Variants in LEF1 observed in about 807,000 individuals in gnomAD.
LEF1 encodes the protein lymphoid enhancer-binding factor 1.
Under a neutral mutation model 51.2 loss-of-function variants are expected in LEF1, and 14 were observed. The ratio of observed to expected loss-of-function variants is 0.27; its 90% CI spans 0.18 to 0.43. The LOEUF (loss-of-function observed/expected upper bound fraction) is 0.43. LEF1 is among the 20% of genes least tolerant of loss of function. The probability of loss-of-function intolerance (pLI) is 1.00; values close to 1 mark genes in which losing one functional copy is unlikely to be tolerated. For missense variants in LEF1, 386 were observed against 512.0 expected (o/e 0.75, Z 2.37); for synonymous variants, 185 against 183.2 (o/e 1.01, Z -0.08).
At chr4:108,053,213 C>T (rs1023907088) in intron 11 of LEF1, among the ~76,000 whole-genome samples, 5 of 152,098 alleles carry the variant, frequency 3.3e-5, no homozygotes. Flanking sequence ...GAGAAACAAA[C>T]GCATAAGTTA....
intron 3 of LEF1, among the ~76,000 whole-genome samples, chr4:108,134,462 AAATGTAGAAT>A (rs1743119239): frequency 6.6e-6 from 1 of 152,234 alleles, no homozygotes; most frequent in African/African-American, 2.4e-5. Flanking sequence ...TTTAAAGTTC[AAATGTAGAAT>A]AATACAGGGC....
chr4:108,101,284 G>T (rs1740803642), intron 3 of LEF1, among the ~76,000 whole-genome samples: 1 of 152,188 alleles, frequency 6.6e-6, no homozygotes, highest in South Asian at 2.1e-4. Flanking sequence ...AATAATTAAT[G>T]CAGCTTTCGA....
At chr4:108,128,009 A>T (rs534128596) in intron 3 of LEF1, among the ~76,000 whole-genome samples, 2 of 152,262 alleles carry the variant, frequency 1.3e-5, no homozygotes, top group African/African-American at 4.8e-5. Flanking sequence ...TATGTGTTAT[A>T]TTTATTGTGT....
chr4:108,103,875 C>CA (rs1220125412), intron 3 of LEF1, among the ~76,000 whole-genome samples: 2 of 152,132 alleles, frequency 1.3e-5, no homozygotes, highest in Non-Finnish European at 2.9e-5. Context: ...TGCAGTTCCT[C>CA]AAAAAGGTAA....
At chr4:108,121,051 AT>A (rs1369808647) in intron 3 of LEF1, among the ~76,000 whole-genome samples, 1 of 152,224 alleles carries the variant, frequency 6.6e-6, no homozygotes, top group Non-Finnish European at 1.5e-5. Flanking sequence ...ACTTTGCCAC[AT>A]TGTAAAAGTG....
chr4:108,080,034 A>G (rs576538822), intron 6 of LEF1, among the ~76,000 whole-genome samples: 1 of 152,336 alleles, frequency 6.6e-6, no homozygotes, highest in East Asian at 1.9e-4. Flanking sequence ...ACAACTGAGA[A>G]AACGGATAGG....
At chr4:108,070,581 C>T (rs575267979) in intron 9 of LEF1, 82 bp downstream of exon 9, 30 of 881,124 alleles carry the variant, frequency 3.4e-5, no homozygotes, top group Non-Finnish European at 5.4e-5. Context: ...GCATTATATA[C>T]ACCTAAAACA....
intron 3 of LEF1, among the ~76,000 whole-genome samples, chr4:108,106,844 G>T (rs1030889523): frequency 2.6e-5 from 4 of 152,164 alleles, no homozygotes; most frequent in Non-Finnish European, 5.9e-5. Flanking sequence ...CAATGAAGGG[G>T]AGTTTACACA....
At chr4:108,070,928 T>C (rs368587094) in intron 8 of LEF1, 158 bp from the exon 9 acceptor site, 47 of 599,786 alleles carry the variant, frequency 7.8e-5, no homozygotes, top group African/African-American at 1.5e-4. Flanking sequence ...AGAAATCTCC[T>C]TGGAGTCTAG....
At chr4:108,108,344 T>C (rs866387798) in intron 3 of LEF1, among the ~76,000 whole-genome samples, 1 of 152,194 alleles carries the variant, frequency 6.6e-6, no homozygotes. Flanking sequence ...CAGTTTGTCA[T>C]AGCACCTCTT....
intron 4 of LEF1, among the ~76,000 whole-genome samples, chr4:108,087,907 A>G (rs1056586066): frequency 6.6e-6 from 1 of 152,128 alleles, no homozygotes; most frequent in African/African-American, 2.4e-5. Context: ...CTTTCTCACT[A>G]TACAGCCATA....
intron 8 of LEF1, among the ~76,000 whole-genome samples, chr4:108,071,502 GA>G (rs1364690063): frequency 6.6e-6 from 1 of 152,194 alleles, no homozygotes; most frequent in Non-Finnish European, 1.5e-5. Context: ...CTAATATGAA[GA>G]ATGTAGCTGC....
chr4:108,061,259 C>T (rs1354195818), intron 11 of LEF1, among the ~76,000 whole-genome samples: 2 of 151,892 alleles, frequency 1.3e-5, no homozygotes, highest in Non-Finnish European at 2.9e-5. Context: ...GTTTTTCTTG[C>T]GCAGGATAGA....
chr4:108,167,410 C>T lies in LEF1; in HGVS notation c.213+145G>A. 8.8e-6 allele frequency: 6 copies of T among 683,422 alleles called. No homozygotes were observed. The highest frequency in any genetic ancestry group is 1.2e-5 in the Non-Finnish European group (5 of 400,208). 42.3% of individuals were successfully genotyped at this position (683,422 alleles called of 1,614,324 possible). A position where few individuals can be genotyped will look rare whatever the true frequency, so the allele number is the denominator to read the frequency against. ...CACACACACACTGCGGACCGGGGGC[C>T]CAGCTACGCACACACCCCAAAACAA... is the stretch of plus-strand genomic sequence containing the variant. On this transcript the variant is annotated intron_variant, in intron 1 of 11. Coordinates refer to ENST00000265165, the MANE Select transcript of LEF1 (RefSeq NM_016269.5). The surrounding 1 kb of genome is among the most constrained non-coding windows in gnomAD (Gnocchi z 5.7).
In LEF1 at chr4:108,151,111, A is replaced by G. The variant is rs555108904; in HGVS notation, c.414+12457T>C. 3.6e-4 allele frequency among the ~76,000 whole-genome samples: 55 copies of G among 152,236 alleles called. 1 individual carries two copies. In the South Asian group the frequency reaches 0.011, roughly 30 times the overall value. ...CTGAAAACAATGATTCCTAAGCTAA[A>G]CTCATGAATGCCTGTCTTCAAACTG... On this transcript the variant is annotated intron_variant, in intron 3 of 11. Coordinates refer to ENST00000265165, the MANE Select transcript of LEF1 (RefSeq NM_016269.5).
At chr4:108,119,086 A>AT (rs1223133262) in intron 3 of LEF1, among the ~76,000 whole-genome samples, 2 of 150,064 alleles carry the variant, frequency 1.3e-5, no homozygotes, top group South Asian at 2.1e-4. Context: ...TTTAAAAAAC[A>AT]TTTTTTTTCA....
intron 1 of LEF1, chr4:108,166,372 G>A (rs1337978658): frequency 6.8e-7 from 1 of 1,478,796 alleles, no homozygotes. Flanking sequence ...TTTCTTTTTG[G>A]GGGTAGAAAG....
intron 3 of LEF1, among the ~76,000 whole-genome samples, chr4:108,157,724 T>C (rs1427957354): frequency 2.0e-5 from 3 of 152,206 alleles, no homozygotes; most frequent in Non-Finnish European, 4.4e-5. Flanking sequence ...ACAAAACTCT[T>C]GCTTGCTCTG....
chr4:108,076,541 C>A (rs1322949596), intron 8 of LEF1, among the ~76,000 whole-genome samples: 3 of 152,066 alleles, frequency 2.0e-5, no homozygotes, highest in Non-Finnish European at 4.4e-5. Context: ...ACACACTCAG[C>A]TAATTTTTGT....
Sources: allele counts gnomAD v4.1 joint callset (sites outside exome capture counted in the v4.1 genomes callset), GRCh38; gene constraint gnomAD v4.1.1; non-coding constraint Gnocchi (gnomAD v3.1); transcripts MANE v1.5; gene names NCBI Gene and HGNC (gene_info 2026-07-23, HGNC 2026-07-21).